ADAP1: variants seen among roughly 807,000 people sequenced by gnomAD.
ADAP1 encodes the protein arf-GAP with dual PH domain-containing protein 1.
ADAP1 carries 31 observed loss-of-function variants against 54.9 expected under a neutral mutation model. That is an observed-to-expected ratio of 0.56 (90% CI 0.42 to 0.76). The LOEUF (loss-of-function observed/expected upper bound fraction) is 0.76. Among genes scored for constraint, ADAP1 ranks in the 30% least tolerant of loss-of-function variants. ADAP1 has a pLI of 0.00. For synonymous variants in ADAP1, 313 were observed against 202.6 expected, an observed-to-expected ratio of 1.55 and a Z score of -4.63; for missense variants, 535 against 512.4, an observed-to-expected ratio of 1.04 and a Z score of -0.42.
rs56368258 is a variant in ADAP1, at chr7:906,784, C to G, written c.389-1612G>C. ...CAGGGGACATGGGGGACAGGGGACA[C>G]GGGGGACGGGACAGGGGACATGGGG... On this transcript the variant is annotated intron_variant, in intron 4 of 10. Transcript: ENST00000265846. Among the ~76,000 whole-genome samples, 92 of 52,340 alleles carry G rather than the reference C, an allele frequency of 1.8e-3. 11 individuals are homozygous for G. Among genetic ancestry groups the G allele is most frequent in the African/African-American group, 5.9e-3 (87 of 14,852 alleles). 34.3% of individuals were successfully genotyped at this position (52,340 alleles called of 152,430 possible). A position where few individuals can be genotyped will look rare whatever the true frequency, so the allele number is the denominator to read the frequency against.
chr7:947,692 G>A (rs960363888), intron 1 of ADAP1, among the ~76,000 whole-genome samples: 3 of 151,916 alleles, frequency 2.0e-5, no homozygotes, highest in Admixed American at 1.3e-4. Context: ...CCTAGCCACC[G>A]CCACCCGGCC....
At position 945,945 on chromosome 7, in the gene ADAP1, T is replaced by C. The variant is rs1847125243; in HGVS notation, c.82+8451A>G. On this transcript the variant is annotated intron_variant, in intron 1 of 10. Transcript: ENST00000265846. The surrounding 1 kb of genome is among the most constrained non-coding windows in gnomAD (Gnocchi z 4.2). ...GTAGCCAAGCCTGTCCATGGGGCCC[T>C]GGTTCCAGAGACCTTTGCCCTCCCA... 2.2e-6 allele frequency: 1 copy of C among 449,918 alleles called. No homozygotes were observed. The highest frequency in any genetic ancestry group is 2.9e-6 in the Non-Finnish European group (1 of 340,426). 27.9% of individuals were successfully genotyped at this position (449,918 alleles called of 1,614,324 possible).
In ADAP1 at chr7:938,130, A is replaced by C. The variant is rs1212749534; in HGVS notation, c.83-2625T>G. On this transcript the variant is annotated intron_variant, in intron 1 of 10. Coordinates refer to ENST00000265846, the MANE Select transcript of ADAP1 (RefSeq NM_006869.4). The surrounding 1 kb of genome is among the most constrained non-coding windows in gnomAD (Gnocchi z 4.4). ...CTTTTGGGAGAAAGAATGCGGTTAC[A>C]GGATCAGCCGTTGTTTGGTTTTGCG... 2.6e-5 allele frequency among the ~76,000 whole-genome samples: 4 copies of C among 152,176 alleles called. No individual in the cohort carries two copies.
rs112390981 is a variant in ADAP1, at chr7:924,515, A to G, written c.305+2038T>C. ...CCACGCTGCACCCCCCGCCCTCCAG[A>G]TTACACAGCAGGTCCACACTGCACC... On this transcript the variant is annotated intron_variant, in intron 3 of 10. Coordinates refer to ENST00000265846, the MANE Select transcript of ADAP1 (RefSeq NM_006869.4). Among the ~76,000 whole-genome samples, 465 of 46,918 alleles carry G rather than the reference A, an allele frequency of 9.9e-3. 5 individuals are homozygous for G. The highest frequency in any genetic ancestry group is 0.014 in the Non-Finnish European group (343 of 25,078). The allele number at this position is 46,918 out of a possible 152,430, so 30.8% of individuals were successfully genotyped here.
rs144513326 is a variant in ADAP1 at position 903,966 on chromosome 7, C to T, written c.648+160G>A. 1.3e-4 allele frequency: 123 copies of T among 938,238 alleles called. 1 individual carries two copies. The Middle Eastern group carries it at 3.1e-3, about 24-fold the overall frequency. The allele number at this position is 938,238 out of a possible 1,614,324, so 58.1% of individuals were successfully genotyped here. On this transcript the variant is annotated intron_variant, in intron 6 of 10. Coordinates refer to ENST00000265846, the MANE Select transcript of ADAP1 (RefSeq NM_006869.4). The stretch of plus-strand genomic sequence containing the variant: ...CCACACTCCCACACGTCCAAGCACC[C>T]GCCTTCCCACGCTGCCCAGCCCGAC...
chr7:915,214 C>G (rs1562922280), intron 4 of ADAP1, among the ~76,000 whole-genome samples: 1 of 80,142 alleles, frequency 1.2e-5, no homozygotes, highest in Admixed American at 1.3e-4. Context: ...CACAAAGGGC[C>G]AGCCCTGCAC....
chr7:927,630 A>G (rs1048713824), intron 2 of ADAP1: 7 of 374,400 alleles, frequency 1.9e-5, no homozygotes, highest in Middle Eastern at 3.8e-4. Context: ...GGCTGGCACC[A>G]ATTTAAAATT....
At chr7:906,681 G>GAGAAA (rs1562915120) in intron 4 of ADAP1, among the ~76,000 whole-genome samples, 8 of 85,444 alleles carry the variant, frequency 9.4e-5, no homozygotes, top group East Asian at 1.1e-3. Context: ...ACATGGACAG[G>GAGAAA]GGACACGGGG....
chr7:924,866 G>A (rs1846328956), intron 3 of ADAP1, among the ~76,000 whole-genome samples: 1 of 152,176 alleles, frequency 6.6e-6, no homozygotes, highest in Non-Finnish European at 1.5e-5. Context: ...AAAAATAGCT[G>A]TGCTGGGGCT....
chr7:919,537 GGAGA>G (rs911732337), intron 4 of ADAP1, among the ~76,000 whole-genome samples: 7 of 140,936 alleles, frequency 5.0e-5, no homozygotes, highest in African/African-American at 1.9e-4. Context: ...AGGGAGGGAA[GGAGA>G]GAGAGAGGGA....
chr7:944,024 T>TCCCG (rs1243495234), intron 1 of ADAP1, among the ~76,000 whole-genome samples: 1 of 151,930 alleles, frequency 6.6e-6, no homozygotes, highest in Non-Finnish European at 1.5e-5. Context: ...CAAGTGATCC[T>TCCCG]CCCGCCTCAG....
intron 6 of ADAP1, among the ~76,000 whole-genome samples, chr7:903,312 G>A (rs375834503): frequency 6.6e-6 from 1 of 151,874 alleles, no homozygotes; most frequent in Non-Finnish European, 1.5e-5. Flanking sequence ...CGTGGGAGGG[G>A]ATGGAAAGAG....
chr7:913,798 G>A (rs1452870028), intron 4 of ADAP1, among the ~76,000 whole-genome samples: 1 of 152,152 alleles, frequency 6.6e-6, no homozygotes, highest in African/African-American at 2.4e-5. Flanking sequence ...AGCCGGGCGT[G>A]GTGGGGGGCG....
At chr7:916,525 G>A (rs1161889565) in intron 4 of ADAP1, among the ~76,000 whole-genome samples, 3 of 152,182 alleles carry the variant, frequency 2.0e-5, no homozygotes, top group African/African-American at 7.2e-5. Flanking sequence ...AGATGTTTCT[G>A]CCGAGGGAAA....
intron 9 of ADAP1, 57 bp downstream of exon 9, chr7:899,362 C>A: frequency 6.2e-7 from 1 of 1,607,950 alleles, no homozygotes; most frequent in Non-Finnish European, 8.5e-7. Context: ...GGTCACGCAT[C>A]TGGCAACCCC....
intron 5 of ADAP1, 108 bp downstream of exon 5, chr7:904,947 GGGGGC>G: frequency 1.1e-6 from 1 of 884,586 alleles, no homozygotes; most frequent in East Asian, 2.6e-5. Context: ...CCCCATCGGG[GGGGGC>G]AGCAGGGAGG....
Position 926,666 on chromosome 7 carries a change from G to T in ADAP1, c.214-22C>A. On this transcript the variant is annotated intron_variant, in intron 2 of 10. Coordinates refer to ENST00000265846, the MANE Select transcript of ADAP1 (RefSeq NM_006869.4). The surrounding 1 kb of genome is among the most constrained non-coding windows in gnomAD (Gnocchi z 4.6). ...TGAACTGCAAGAGAGGAGGGGCCGG[G>T]TCAGAGGCCTGGGGTCCCAGGGGCA... 6.5e-7 allele frequency: 1 copy of T among 1,529,482 alleles called. No individual in the cohort carries two copies. Among genetic ancestry groups the T allele is most frequent in the Non-Finnish European group, 8.8e-7 (1 of 1,137,392 alleles). 94.7% of individuals were successfully genotyped at this position (1,529,482 alleles called of 1,614,324 possible).
At position 898,766 on chromosome 7, in the gene ADAP1, TG is replaced by T; in HGVS notation, c.*154del. On this transcript the variant is annotated 3_prime_UTR_variant, in exon 11 of 11. Transcript: ENST00000265846. ...GCCTTGAGGTTCCAGAGAAGCATCC[TG>T]GAAGCTGAAGCTCGGGCCCTACCTG... 1 of 968,122 alleles carries T rather than the reference TG, an allele frequency of 1.0e-6. No individual in the cohort carries two copies. Among genetic ancestry groups the T allele is most frequent in the Non-Finnish European group, 1.5e-6 (1 of 646,872 alleles). The allele number at this position is 968,122 out of a possible 1,614,324, so 60.0% of individuals were successfully genotyped here.
intron 6 of ADAP1, among the ~76,000 whole-genome samples, chr7:902,242 T>A (rs1399537030): frequency 6.7e-6 from 1 of 150,100 alleles, no homozygotes. Flanking sequence ...GTGGATCACC[T>A]GAGGTCGGGA....
Sources: gnomAD v4.1 joint callset for allele counts (sites outside exome capture counted in the v4.1 genomes callset) on GRCh38, gnomAD v4.1.1 for gene constraint, Gnocchi (gnomAD v3.1) non-coding constraint, MANE v1.5 for transcripts, NCBI Gene and HGNC (gene_info 2026-07-23, HGNC 2026-07-21) for gene names.